The following PHC3 variants were observed in gnomAD, a reference collection of about 807,000 sequenced individuals.
The protein encoded by PHC3 is polyhomeotic homolog 3, also known as polyhomeotic-like protein 3.
In PHC3, 13 loss-of-function variants were observed where a neutral mutation model predicts 107.4. The observed-to-expected ratio is 0.12, with a 90% CI of 0.08 to 0.19. PHC3 has a LOEUF of 0.19. PHC3 is among the 10% of genes least tolerant of loss of function. The pLI is 1.00. For synonymous variants in PHC3, 456 were observed against 427.4 expected (o/e 1.07, Z -0.83); for missense variants, 992 against 1,210.9 (o/e 0.82, Z 2.68).
chr3:170,150,845 A>C (rs1041602163), intron 4 of PHC3: 3 of 218,446 alleles, frequency 1.4e-5, no homozygotes. Flanking sequence ...GGTAATAGGG[A>C]AAAGAAAAAG....
chr3:170,152,700 A>T (rs1726208344), intron 4 of PHC3, among the ~76,000 whole-genome samples: 1 of 149,786 alleles, frequency 6.7e-6, no homozygotes, highest in South Asian at 2.1e-4. Flanking sequence ...TCCCTCTGTC[A>T]CCCAGGCTGG....
intron 14 of PHC3, among the ~76,000 whole-genome samples, chr3:170,100,016 G>A (rs1224701876): frequency 6.6e-6 from 1 of 152,158 alleles, no homozygotes; most frequent in African/African-American, 2.4e-5. Flanking sequence ...TTAATGCAGA[G>A]AAAATTAGAA....
At chr3:170,162,964 T>C (rs1252194401) in intron 4 of PHC3, among the ~76,000 whole-genome samples, 1 of 149,528 alleles carries the variant, frequency 6.7e-6, no homozygotes, top group Non-Finnish European at 1.5e-5. Context: ...AAATGGCATA[T>C]TCCCCCATTG....
At chr3:170,145,610 G>C (rs1724808859) in intron 5 of PHC3, 89 bp from the exon 6 acceptor site, 1 of 822,698 alleles carries the variant, frequency 1.2e-6, no homozygotes, top group Non-Finnish European at 1.9e-6. Flanking sequence ...ACTGAAATTT[G>C]TGACAGAAAG....
At chr3:170,142,661 G>A (rs139292469) in intron 6 of PHC3, among the ~76,000 whole-genome samples, 2 of 152,048 alleles carry the variant, frequency 1.3e-5, no homozygotes, top group African/African-American at 2.4e-5. Context: ...GCAACTTCAC[G>A]CCTAGCTCCA....
intron 4 of PHC3, chr3:170,150,531 T>TAAA (rs1168514834): frequency 4.0e-4 from 31 of 77,548 alleles, no homozygotes; most frequent in Middle Eastern, 7.9e-3. Context: ...CTGTCTCTAC[T>TAAA]AAAAAAAAAA....
At chr3:170,103,329 G>C (rs563138768) in intron 12 of PHC3, among the ~76,000 whole-genome samples, 13 of 152,278 alleles carry the variant, frequency 8.5e-5, no homozygotes, top group Non-Finnish European at 1.3e-4. Flanking sequence ...ATTTTTCTAA[G>C]TAATAACTTC....
intron 11 of PHC3, among the ~76,000 whole-genome samples, chr3:170,110,067 T>C (rs1576992724): frequency 6.6e-6 from 1 of 152,140 alleles, no homozygotes. Flanking sequence ...TCTGATATCA[T>C]ATCCTGCTGA....
At chr3:170,167,759 C>CA (rs5854368) in intron 4 of PHC3, among the ~76,000 whole-genome samples, 58,505 of 132,074 alleles carry the variant, frequency 0.44, 12,240 homozygotes, top group East Asian at 0.56. Flanking sequence ...GGCTTCATCT[C>CA]AAAAAAAAAA....
chr3:170,158,437 C>A (rs1727244000), intron 4 of PHC3, among the ~76,000 whole-genome samples: 1 of 151,792 alleles, frequency 6.6e-6, no homozygotes, highest in African/African-American at 2.4e-5. Flanking sequence ...CCCATCTCCA[C>A]TAAAAATACA....
chr3:170,149,262 T>A lies in PHC3; in HGVS notation c.415-18A>T, dbSNP rs1227822326. 3 of 1,599,312 alleles carry A rather than the reference T, an allele frequency of 1.9e-6. No individual in the cohort carries two copies. The highest frequency in any genetic ancestry group is 2.6e-6 in the Non-Finnish European group (3 of 1,172,800). ...AGGTTGATCTAAGGAAGAAAACATA[T>A]TAGGTCATAGGCTTCCATTTCTTGC... On this transcript the variant is annotated intron_variant, in intron 4 of 14. Transcript: ENST00000495893.
intron 1 of PHC3, among the ~76,000 whole-genome samples, chr3:170,179,886 A>G (rs1264213671): frequency 6.6e-6 from 1 of 152,146 alleles, no homozygotes; most frequent in Non-Finnish European, 1.5e-5. Context: ...AGCACACAAG[A>G]GATTATACTG....
intron 4 of PHC3, among the ~76,000 whole-genome samples, chr3:170,154,757 C>A (rs1430535632): frequency 6.6e-6 from 1 of 152,198 alleles, no homozygotes; most frequent in Non-Finnish European, 1.5e-5. Context: ...TCAAAAGCAG[C>A]TATCTACTAA....
chr3:170,135,931 T>A (rs1723000291), intron 7 of PHC3, among the ~76,000 whole-genome samples: 2 of 152,138 alleles, frequency 1.3e-5, no homozygotes. Flanking sequence ...CTCAGGTGAT[T>A]GCCTGAGATG....
chr3:170,146,084 T>G (rs958893500), intron 5 of PHC3, among the ~76,000 whole-genome samples: 8 of 152,154 alleles, frequency 5.3e-5, no homozygotes, highest in Admixed American at 1.3e-4. Context: ...AAAGAAATAT[T>G]CATTCTATGG....
chr3:170,120,658 G>A (rs1362870741), intron 9 of PHC3, among the ~76,000 whole-genome samples: 1 of 152,040 alleles, frequency 6.6e-6, no homozygotes, highest in African/African-American at 2.4e-5. Flanking sequence ...AGGAGGAAAA[G>A]ATAAAAGAAA....
rs1001589994 is a variant in PHC3 at position 170,131,959 on chromosome 3, A to G, written c.920-2407T>C. Among the ~76,000 whole-genome samples the G allele has an allele frequency of 4.3e-4, 66 of 152,312 alleles. 1 individual carries two copies. Among genetic ancestry groups the G allele is most frequent in the Non-Finnish European group, 7.8e-4 (53 of 68,024 alleles). ...TTCATCTAAATTACATTTTTCTTTGATCAGAAATCAAAGTGTGTTTATTTT... is the reference window on the plus strand; with the variant it reads ...TTCATCTAAATTACATTTTTCTTTGGTCAGAAATCAAAGTGTGTTTATTTT... On this transcript the variant is annotated intron_variant, in intron 7 of 14. Transcript: ENST00000495893.
intron 4 of PHC3, among the ~76,000 whole-genome samples, chr3:170,169,395 G>C (rs953603073): frequency 6.6e-6 from 1 of 152,080 alleles, no homozygotes; most frequent in Non-Finnish European, 1.5e-5. Flanking sequence ...CTGTTACCAT[G>C]CTCCCCCCCG....
In PHC3 at chr3:170,154,391, T is replaced by C. The variant is rs142270661; in HGVS notation, c.415-5147A>G. ...CTTTTTTAATATCCTGATAGCTCTCTAGTTCAGGTTACTCTGCAGTAATAA... is the reference window on the plus strand; with the variant it reads ...CTTTTTTAATATCCTGATAGCTCTCCAGTTCAGGTTACTCTGCAGTAATAA... On this transcript the variant is annotated intron_variant, in intron 4 of 14. Transcript: ENST00000495893. Among the ~76,000 whole-genome samples, 1,142 of 152,362 alleles carry C rather than the reference T, an allele frequency of 7.5e-3. 8 individuals are homozygous for C. Among genetic ancestry groups the C allele is most frequent in the Non-Finnish European group, 0.012 (808 of 68,044 alleles).
Sources: allele counts gnomAD v4.1 joint callset (sites outside exome capture counted in the v4.1 genomes callset), GRCh38; gene constraint gnomAD v4.1.1; transcripts MANE v1.5; gene names NCBI Gene and HGNC (gene_info 2026-07-23, HGNC 2026-07-21).